RGS9: variants seen among roughly 807,000 people sequenced by gnomAD.
RGS9 encodes regulator of G-protein signalling 9.
Under a neutral mutation model 102.0 loss-of-function variants are expected in RGS9, and 78 were observed. The ratio of observed to expected loss-of-function variants is 0.76; its 90% confidence interval spans 0.64 to 0.92. The LOEUF (loss-of-function observed/expected upper bound fraction) is 0.92. Among genes scored for constraint, RGS9 ranks in the 40% least tolerant of loss-of-function variants. The pLI is 0.00. For synonymous variants in RGS9, 353 were observed against 318.6 expected (o/e 1.11, Z -1.15); for missense variants, 833 against 866.1 (o/e 0.96, Z 0.48).
At chr17:65,192,068 G>GA (rs907268485) in intron 11 of RGS9, among the ~76,000 whole-genome samples, 13 of 152,154 alleles carry the variant, frequency 8.5e-5, no homozygotes, top group African/African-American at 3.1e-4. Flanking sequence ...GCTTTTTTTA[G>GA]AAAAGTTTTT....
chr17:65,154,739 C>A (rs188652343), intron 2 of RGS9, among the ~76,000 whole-genome samples: 33 of 152,274 alleles, frequency 2.2e-4, no homozygotes, highest in African/African-American at 7.2e-4. Context: ...AATGTGTTAC[C>A]TGTTTTCTGA....
Position 65,153,353 on chromosome 17 carries a change from G to A in RGS9, c.58-69G>A. 1.0e-5 allele frequency: 14 copies of A among 1,345,378 alleles called. No homozygotes were observed. In the South Asian group the frequency reaches 1.6e-4, roughly 16 times the overall value. The allele number at this position is 1,345,378 out of a possible 1,614,324, so 83.3% of individuals were successfully genotyped here. On this transcript the variant is annotated intron_variant, in intron 1 of 18. Transcript: ENST00000262406. Reference sequence around the variant, plus strand: ...GCATTTTGAGGTCCCTCTCAGTGCAGTGGAAATTGCCCTGCACAACTTTCA... The same window carrying A: ...GCATTTTGAGGTCCCTCTCAGTGCAATGGAAATTGCCCTGCACAACTTTCA...
At position 65,227,512 on chromosome 17, in the gene RGS9, G is replaced by A; in HGVS notation, c.*105G>A. Reference sequence around the variant, plus strand: ...CTTGCTCGAGAACCAAAGTGCATTTGGGTGACATTTGAAGATTGGGGAGAC... The same window carrying A: ...CTTGCTCGAGAACCAAAGTGCATTTAGGTGACATTTGAAGATTGGGGAGAC... On this transcript the variant is annotated 3_prime_UTR_variant, in exon 19 of 19. Coordinates refer to ENST00000262406, the MANE Select transcript of RGS9 (RefSeq NM_003835.4). The A allele has an allele frequency of 6.8e-6, 10 of 1,464,144 alleles. No individual in the cohort carries two copies. The highest frequency in any genetic ancestry group is 9.3e-6 in the Non-Finnish European group (10 of 1,072,738). The allele number at this position is 1,464,144 out of a possible 1,614,324, so 90.7% of individuals were successfully genotyped here.
intron 1 of RGS9, among the ~76,000 whole-genome samples, chr17:65,146,978 T>A (rs902272098): frequency 4.0e-5 from 6 of 151,776 alleles, no homozygotes; most frequent in Admixed American, 3.9e-4. Context: ...CCAGAAGGAG[T>A]CACTCCTGCA....
intron 13 of RGS9, 88 bp from the exon 14 acceptor site, chr17:65,201,905 C>G: frequency 1.1e-6 from 1 of 888,738 alleles, no homozygotes. Flanking sequence ...GAATCCATCC[C>G]GGTTGACTCA....
intron 15 of RGS9, among the ~76,000 whole-genome samples, chr17:65,206,292 GCTGT>G (rs1275874751): frequency 6.6e-6 from 1 of 152,116 alleles, no homozygotes; most frequent in Non-Finnish European, 1.5e-5. Context: ...TGAATCAGTG[GCTGT>G]CTCTTTGTTT....
chr17:65,183,506 A>G (rs1338825375), intron 9 of RGS9, among the ~76,000 whole-genome samples: 1 of 152,160 alleles, frequency 6.6e-6, no homozygotes, highest in Admixed American at 6.6e-5. Flanking sequence ...CATGTTGCCC[A>G]GGCTGATCTT....
At chr17:65,199,872 G>A (rs904785374) in intron 13 of RGS9, among the ~76,000 whole-genome samples, 1 of 152,064 alleles carries the variant, frequency 6.6e-6, no homozygotes, top group African/African-American at 2.4e-5. Context: ...TTGTTTGTAT[G>A]TACCACATTT....
chr17:65,223,021 A>G (rs1478516481), intron 17 of RGS9, among the ~76,000 whole-genome samples: 1 of 152,168 alleles, frequency 6.6e-6, no homozygotes, highest in African/African-American at 2.4e-5. Flanking sequence ...CCCTGGAGGA[A>G]TGGCTGGACT....
At chr17:65,193,693 G>GT (rs761751912) in intron 12 of RGS9, 37 bp downstream of exon 12, 54 of 1,297,768 alleles carry the variant, frequency 4.2e-5, no homozygotes, top group Non-Finnish European at 5.8e-5. Flanking sequence ...TTAAAAAACC[G>GT]TTTTTGAGTT....
intron 17 of RGS9, among the ~76,000 whole-genome samples, chr17:65,218,874 C>T (rs927182002): frequency 2.0e-5 from 3 of 152,224 alleles, no homozygotes; most frequent in South Asian, 4.1e-4. Context: ...TGCTTGGGAT[C>T]ACCAGTGAGC....
chr17:65,183,535 G>A (rs1567876964), intron 9 of RGS9, among the ~76,000 whole-genome samples: 1 of 152,106 alleles, frequency 6.6e-6, no homozygotes, highest in African/African-American at 2.4e-5. Flanking sequence ...GGGCTCAAGC[G>A]ATCCACCTGC....
chr17:65,223,618 G>A (rs573798368), intron 17 of RGS9, among the ~76,000 whole-genome samples: 4 of 152,350 alleles, frequency 2.6e-5, no homozygotes, highest in South Asian at 4.1e-4. Flanking sequence ...CCCAGATCCC[G>A]GGGTCAGCCA....
intron 1 of RGS9, among the ~76,000 whole-genome samples, chr17:65,138,986 TC>T (rs1910026957): frequency 1.3e-5 from 1 of 77,064 alleles, no homozygotes; most frequent in Non-Finnish European, 2.3e-5. Flanking sequence ...CAGCATCCCC[TC>T]CTCCACCCCA....
intron 17 of RGS9, 104 bp from the exon 18 acceptor site, chr17:65,224,898 T>C: frequency 6.6e-7 from 1 of 1,508,348 alleles, no homozygotes; most frequent in Non-Finnish European, 9.1e-7. Flanking sequence ...AGGCCCGCAC[T>C]CTTGTCGCTG....
intron 3 of RGS9, chr17:65,158,917 A>G (rs1018435500): frequency 2.6e-5 from 6 of 233,584 alleles, no homozygotes; most frequent in Non-Finnish European, 5.1e-5. Flanking sequence ...TCTGAGCCCA[A>G]GCTAAGCCAT....
At chr17:65,158,913 C>A in intron 3 of RGS9, 2 of 233,190 alleles carry the variant, frequency 8.6e-6, no homozygotes, top group Middle Eastern at 1.7e-3. Flanking sequence ...GGCCTCTGAG[C>A]CCAAGCTAAG....
chr17:65,193,254 C>CAAAAAAAA (rs377349682), intron 11 of RGS9, among the ~76,000 whole-genome samples: 1 of 83,154 alleles, frequency 1.2e-5, no homozygotes, highest in African/African-American at 3.9e-5. Flanking sequence ...TTGGCTGTCT[C>CAAAAAAAA]AAAAAAAAAA....
chr17:65,211,855 A>G (rs1427949280), intron 17 of RGS9, among the ~76,000 whole-genome samples: 3 of 152,234 alleles, frequency 2.0e-5, no homozygotes, highest in Non-Finnish European at 4.4e-5. Context: ...TAAACAAACT[A>G]TCAGGTAGCT....
Sources: gnomAD v4.1 joint callset for allele counts (sites outside exome capture counted in the v4.1 genomes callset) on GRCh38, gnomAD v4.1.1 for gene constraint, MANE v1.5 for transcripts, NCBI Gene and HGNC (gene_info 2026-07-23, HGNC 2026-07-21) for gene names.